The following PCDHGA2 variants were observed in gnomAD, a reference collection of about 807,000 sequenced individuals.
PCDHGA2 encodes protocadherin gamma-A2.
Under a neutral mutation model 59.2 loss-of-function variants are expected in PCDHGA2, and 40 were observed. The observed-to-expected ratio is 0.68, with a 90% CI of 0.52 to 0.88. The LOEUF is 0.88. Among genes scored for constraint, PCDHGA2 ranks in the 40% least tolerant of loss-of-function variants. The probability of loss-of-function intolerance (pLI) is 0.00; values close to 1 mark genes in which losing one functional copy is unlikely to be tolerated. For synonymous variants in PCDHGA2, 560 were observed against 526.0 expected (o/e 1.06, Z -0.89); for missense variants, 1,226 against 1,204.0 (o/e 1.02, Z -0.27).
chr5:141,465,142 T>TCCCTAA (rs2099097979), intron 1 of PCDHGA2, among the ~76,000 whole-genome samples: 3 of 151,990 alleles, frequency 2.0e-5, no homozygotes, highest in Non-Finnish European at 4.4e-5. Flanking sequence ...GTTTAGGGGA[T>TCCCTAA]ATATGAAGGG....
chr5:141,430,952 C>T, intron 1 of PCDHGA2: 2 of 1,610,382 alleles, frequency 1.2e-6, no homozygotes, highest in Non-Finnish European at 1.7e-6. Flanking sequence ...GCGCGGAGTC[C>T]GCATCATCCC....
At chr5:141,499,620 G>A (rs557854340) in intron 2 of PCDHGA2, among the ~76,000 whole-genome samples, 1 of 150,986 alleles carries the variant, frequency 6.6e-6, no homozygotes, top group Non-Finnish European at 1.5e-5. Context: ...TCCTGTCCTT[G>A]GATTCTTTTG....
intron 1 of PCDHGA2, chr5:141,414,805 C>T (rs1464881022): frequency 1.2e-6 from 2 of 1,614,224 alleles, no homozygotes; most frequent in Middle Eastern, 1.6e-4. Flanking sequence ...CAGCGGGGAT[C>T]CTCCACTCAG....
Position 141,409,997 on chromosome 5 carries a change from G to A in PCDHGA2, c.2424+68602G>A. 1.9e-6 allele frequency: 3 copies of A among 1,613,224 alleles called. No homozygotes were observed. The African/African-American group carries it at 4.0e-5, about 22-fold the overall frequency. ...GGTGGTAGCGGTGGACGCCGACTCG[G>A]GACACAACGCCTGGCTGTCCTACCA... On this transcript the variant is annotated intron_variant, in intron 1 of 3. Coordinates refer to ENST00000394576, the MANE Select transcript of PCDHGA2 (RefSeq NM_018915.4).
In PCDHGA2 at chr5:141,341,177, CAGAG is replaced by C. The variant is rs746326216; in HGVS notation, c.2207_2210del (p.Gln736ProfsTer32). 1.9e-6 allele frequency: 3 copies of C among 1,614,232 alleles called. No homozygotes were observed. The South Asian group carries it at 3.3e-5, about 18-fold the overall frequency. On this transcript the variant is annotated frameshift_variant, in exon 1 of 4. Transcript: ENST00000394576. LOFTEE classifies it high-confidence loss of function. ...TTCAGGAGGCAGCTTGACAGGCATGCAGAGCTCGCACTTTGTGGGCGTGGACGGG... is the reference window on the plus strand; with the variant it reads ...TTCAGGAGGCAGCTTGACAGGCATGCCTCGCACTTTGTGGGCGTGGACGGG...
chr5:141,352,129 C>T, intron 1 of PCDHGA2: 2 of 1,610,506 alleles, frequency 1.2e-6, no homozygotes, highest in Non-Finnish European at 8.5e-7. Context: ...GTGAGGTGCG[C>T]ACAGCGCGTG....
intron 1 of PCDHGA2, among the ~76,000 whole-genome samples, chr5:141,484,122 T>C (rs1343894991): frequency 6.6e-6 from 1 of 152,180 alleles, no homozygotes; most frequent in African/African-American, 2.4e-5. Context: ...CAAGAATACC[T>C]TGGTGTCAGA....
chr5:141,410,849 CTTTTTTTTT>C (rs759346998), intron 1 of PCDHGA2: 2 of 136,714 alleles, frequency 1.5e-5, no homozygotes, highest in African/African-American at 6.3e-5. Context: ...TTGTCTTTGT[CTTTTTTTTT>C]TTTTTTTTTT....
At chr5:141,398,392 A>T in intron 1 of PCDHGA2, 1 of 1,456,390 alleles carries the variant, frequency 6.9e-7, no homozygotes, top group Non-Finnish European at 9.5e-7. Context: ...TGTGAGCAGC[A>T]GGCTAGACAG....
At chr5:141,410,576 C>A (rs533810160) in intron 1 of PCDHGA2, 1 of 1,611,270 alleles carries the variant, frequency 6.2e-7, no homozygotes, top group African/African-American at 1.3e-5. Flanking sequence ...AATTCCACCT[C>A]ATGGTGGGGA....
At position 141,477,938 on chromosome 5, in the gene PCDHGA2, T is replaced by C. The variant is rs1441443411; in HGVS notation, c.2425-16869T>C. The stretch of plus-strand genomic sequence containing the variant: ...TGCAGGGCACAATGCCTGGCTCTCC[T>C]ACAGTCTCTTGGGATCCCCTAACCA... On this transcript the variant is annotated intron_variant, in intron 1 of 3. Transcript: ENST00000394576. The surrounding 1 kb of genome is among the most constrained non-coding windows in gnomAD (Gnocchi z 4.9). The C allele has an allele frequency of 3.1e-6, 5 of 1,614,036 alleles. No homozygotes were observed. The highest frequency in any genetic ancestry group is 4.2e-6 in the Non-Finnish European group (5 of 1,180,030).
chr5:141,393,137 C>T (rs777446564), intron 1 of PCDHGA2: 14 of 1,613,286 alleles, frequency 8.7e-6, no homozygotes, highest in South Asian at 2.2e-5. Context: ...ATATTAACAC[C>T]CTGGTTGAGG....
intron 1 of PCDHGA2, chr5:141,403,303 C>T (rs1561687273): frequency 1.9e-6 from 3 of 1,613,820 alleles, no homozygotes; most frequent in South Asian, 2.2e-5. Flanking sequence ...TGAAACTGTA[C>T]GGAATAGAAA....
intron 1 of PCDHGA2, among the ~76,000 whole-genome samples, chr5:141,435,314 G>C (rs1490871069): frequency 6.6e-6 from 1 of 152,006 alleles, no homozygotes; most frequent in African/African-American, 2.4e-5. Flanking sequence ...AATCATTCAT[G>C]AACTTCCAAA....
intron 1 of PCDHGA2, among the ~76,000 whole-genome samples, chr5:141,349,740 T>A (rs1013664478): frequency 6.6e-6 from 1 of 152,172 alleles, no homozygotes; most frequent in Non-Finnish European, 1.5e-5. Context: ...ATTCACTTAT[T>A]TGGATACAGC....
rs1477077191 is a variant in PCDHGA2, at chr5:141,427,802, C to T, written c.2425-67005C>T. 7.3e-6 allele frequency: 11 copies of T among 1,510,148 alleles called. No individual in the cohort carries two copies. In the South Asian group the frequency reaches 9.0e-5, roughly 12 times the overall value. The allele number at this position is 1,510,148 out of a possible 1,614,324, so 93.5% of individuals were successfully genotyped here. A position where few individuals can be genotyped will look rare whatever the true frequency, so the allele number is the denominator to read the frequency against. On this transcript the variant is annotated intron_variant, in intron 1 of 3. Transcript: ENST00000394576. ...CACTGTCGTCCTACGTGTCCGTGAG[C>T]GCACAGAGCGGGGTGGTGGTCGCGC... is the stretch of plus-strand genomic sequence containing the variant.
intron 1 of PCDHGA2, chr5:141,412,314 A>G (rs913648948): frequency 6.6e-6 from 1 of 152,240 alleles, no homozygotes; most frequent in African/African-American, 2.4e-5. Flanking sequence ...CAATGCAAAC[A>G]GTTTAATTTG....
chr5:141,387,885 A>G, intron 1 of PCDHGA2: 2 of 1,578,800 alleles, frequency 1.3e-6, no homozygotes, highest in Non-Finnish European at 1.7e-6. Context: ...AGCAAGAGGG[A>G]TGGGGAGCGG....
chr5:141,423,706 A>C (rs1045905298), intron 1 of PCDHGA2: 1 of 1,231,762 alleles, frequency 8.1e-7, no homozygotes, highest in Admixed American at 3.4e-5. Context: ...TCTTGGCACA[A>C]GTCTTTTAAG....
Sources: allele counts gnomAD v4.1 joint callset (sites outside exome capture counted in the v4.1 genomes callset), GRCh38; gene constraint gnomAD v4.1.1; non-coding constraint Gnocchi (gnomAD v3.1); transcripts MANE v1.5; gene names NCBI Gene and HGNC (gene_info 2026-07-23, HGNC 2026-07-21).